Variants in LPA observed in about 807,000 individuals in gnomAD.
LPA encodes lipoprotein(a).
Under a neutral mutation model 197.9 loss-of-function variants are expected in LPA, and 199 were observed. That is an observed-to-expected ratio of 1.01 (90% CI 0.90 to 1.13). LPA has a LOEUF of 1.13. Ranked by LOEUF, LPA falls within the 50% of genes most tolerant of loss-of-function variation. LPA has a pLI of 0.00. For missense variants in LPA, 1,853 were observed against 1,785.8 expected, an observed-to-expected ratio of 1.04 and a Z score of -0.68; for synonymous variants, 715 against 639.5, an observed-to-expected ratio of 1.12 and a Z score of -1.78.
intron 2 of LPA, among the ~76,000 whole-genome samples, chr6:160,649,723 T>C (rs578178832): frequency 6.6e-6 from 1 of 152,322 alleles, no homozygotes; most frequent in South Asian, 2.1e-4. Context: ...AGACTGGCCA[T>C]GGTGTGGTCA....
chr6:160,608,772 A>G (rs1425513085), intron 16 of LPA, among the ~76,000 whole-genome samples: 1 of 151,538 alleles, frequency 6.6e-6, no homozygotes, highest in Admixed American at 6.6e-5. Context: ...ATTTTGCAAC[A>G]TGTCTGTGAG....
At chr6:160,586,789 A>T (rs1778920724) in intron 24 of LPA, among the ~76,000 whole-genome samples, 159 bp from the exon 25 acceptor site, 1 of 152,214 alleles carries the variant, frequency 6.6e-6, no homozygotes, top group South Asian at 2.1e-4. Flanking sequence ...ACTTCTAAAC[A>T]ACTGTCAACA....
At position 160,550,253 on chromosome 6, in the gene LPA, C is replaced by A. The variant is rs574259955; in HGVS notation, c.4974-1594G>T. Among the ~76,000 whole-genome samples, 10 of 151,786 alleles carry A rather than the reference C, an allele frequency of 6.6e-5. No homozygotes were observed. The East Asian group carries it at 1.9e-3, about 29-fold the overall frequency. ...AAAAAAAAAGCACAGCCGGTGAGGACCCCGGTGGTGGGGGATCTTGGAGAA... is the reference window on the plus strand; with the variant it reads ...AAAAAAAAAGCACAGCCGGTGAGGAACCCGGTGGTGGGGGATCTTGGAGAA... On this transcript the variant is annotated intron_variant, in intron 30 of 38. Coordinates refer to ENST00000316300, the MANE Select transcript of LPA (RefSeq NM_005577.4).
intron 24 of LPA, 110 bp downstream of exon 24, chr6:160,589,443 T>G: frequency 7.7e-7 from 1 of 1,298,498 alleles, no homozygotes; most frequent in Non-Finnish European, 1.1e-6. Context: ...CTGTCCAACA[T>G]TCTGGGTCTG....
intron 1 of LPA, among the ~76,000 whole-genome samples, chr6:160,656,011 G>A (rs534912066): frequency 8.5e-5 from 13 of 152,316 alleles, no homozygotes; most frequent in Admixed American, 3.9e-4. Context: ...GCCAATGGCT[G>A]CATACCAGGC....
intron 2 of LPA, among the ~76,000 whole-genome samples, chr6:160,649,924 C>T (rs1246847647): frequency 6.6e-6 from 1 of 152,152 alleles, no homozygotes; most frequent in Non-Finnish European, 1.5e-5. Context: ...GATAGATTCG[C>T]CTTTCCATAG....
intron 1 of LPA, among the ~76,000 whole-genome samples, chr6:160,651,509 G>C (rs1780005016): frequency 6.6e-6 from 1 of 152,200 alleles, no homozygotes; most frequent in African/African-American, 2.4e-5. Context: ...CCAGTTACTA[G>C]GTTGACTCAA....
At chr6:160,596,834 A>G (rs1779142658) in intron 20 of LPA, among the ~76,000 whole-genome samples, 2 of 152,162 alleles carry the variant, frequency 1.3e-5, no homozygotes, top group Admixed American at 1.3e-4. Flanking sequence ...AATTATGTAA[A>G]AGCCTAAAGA....
At chr6:160,663,695 T>G (rs935851814) in intron 1 of LPA, among the ~76,000 whole-genome samples, 1 of 152,212 alleles carries the variant, frequency 6.6e-6, no homozygotes. Flanking sequence ...ACTCAGGCCA[T>G]AACAAAGAGA....
At chr6:160,550,705 G>C (rs1778154107) in intron 30 of LPA, among the ~76,000 whole-genome samples, 1 of 152,110 alleles carries the variant, frequency 6.6e-6, no homozygotes, top group African/African-American at 2.4e-5. Context: ...CTCTTCCCAT[G>C]GCCAGAGGCA....
intron 1 of LPA, among the ~76,000 whole-genome samples, chr6:160,659,423 G>C (rs540843019): frequency 6.6e-6 from 1 of 152,338 alleles, no homozygotes; most frequent in East Asian, 1.9e-4. Context: ...CAAAAACACA[G>C]AGTGCAGCCA....
intron 2 of LPA, among the ~76,000 whole-genome samples, chr6:160,647,438 T>C (rs887431886): frequency 5.9e-5 from 9 of 152,040 alleles, no homozygotes; most frequent in African/African-American, 2.2e-4. Flanking sequence ...GGATCCAACA[T>C]TGTGTCTCTA....
chr6:160,658,838 G>A (rs1305581066), intron 1 of LPA, among the ~76,000 whole-genome samples: 2 of 142,844 alleles, frequency 1.4e-5, no homozygotes, highest in Admixed American at 7.4e-5. Flanking sequence ...ATCTGTATTA[G>A]TCGGGGTTCT....
chr6:160,610,870 G>A (rs1243011197), intron 16 of LPA, among the ~76,000 whole-genome samples: 2 of 152,136 alleles, frequency 1.3e-5, no homozygotes, highest in East Asian at 1.9e-4. Context: ...ACCATCTGTT[G>A]TCCCACATGT....
At chr6:160,626,669 GT>G (rs1779660751) in intron 10 of LPA, among the ~76,000 whole-genome samples, 1 of 120,616 alleles carries the variant, frequency 8.3e-6, no homozygotes. Context: ...CTTGCATGTT[GT>G]TTTTTTAAAT....
At chr6:160,585,788 G>T (rs1171855719) in intron 25 of LPA, among the ~76,000 whole-genome samples, 2 of 152,050 alleles carry the variant, frequency 1.3e-5, no homozygotes, top group African/African-American at 4.8e-5. Flanking sequence ...TTGGGCCCAG[G>T]ATCCCTCATT....
intron 28 of LPA, among the ~76,000 whole-genome samples, chr6:160,571,220 G>C (rs997817691): frequency 6.6e-6 from 1 of 152,064 alleles, no homozygotes; most frequent in African/African-American, 2.4e-5. Context: ...GCTCCCTAAG[G>C]TCATTTATGT....
rs1780076807 is a variant in LPA at position 160,654,045 on chromosome 6, TATATAATATATTATA to T, written c.50-3563_50-3549del. 5.4e-4 allele frequency among the ~76,000 whole-genome samples: 5 copies of T among 9,318 alleles called. 1 individual carries two copies. Among genetic ancestry groups the T allele is most frequent in the Non-Finnish European group, 8.4e-4 (5 of 5,940 alleles). 6.1% of individuals were successfully genotyped at this position (9,318 alleles called of 152,430 possible). A position where few individuals can be genotyped will look rare whatever the true frequency, so the allele number is the denominator to read the frequency against. ...AATATATAATATATATTATATATAA[TATATAATATATTATA>T]TATATTATATATAATATATATTATA... On this transcript the variant is annotated intron_variant, in intron 1 of 38. Coordinates refer to ENST00000316300, the MANE Select transcript of LPA (RefSeq NM_005577.4).
Position 160,594,008 on chromosome 6 carries a change from G to A in LPA, c.3579C>T (p.Ser1193=), listed in dbSNP as rs182305572. ...TVTGRTCQSW[S]SMTPHWHQRT... ...TCTGATGCCAGTGTGGTGTCATAGA[G>A]GACCAAGACTGACATGTCCTTCCTG... The change falls in exon 22 of 39, where the codon TCC becomes TCT. Residue 1193 remains serine, a synonymous_variant. Coordinates refer to ENST00000316300, the MANE Select transcript of LPA (RefSeq NM_005577.4). The A allele has an allele frequency of 2.5e-6, 4 of 1,613,978 alleles. No individual in the cohort carries two copies. Among genetic ancestry groups the A allele is most frequent in the African/African-American group, 1.3e-5 (1 of 75,038 alleles).
Sources: gnomAD v4.1 joint callset for allele counts (sites outside exome capture counted in the v4.1 genomes callset) on GRCh38, gnomAD v4.1.1 for gene constraint, MANE v1.5 for transcripts, NCBI Gene and HGNC (gene_info 2026-07-23, HGNC 2026-07-21) for gene names.